PTPRD: variants seen among roughly 807,000 people sequenced by gnomAD.
PTPRD encodes the protein receptor-type tyrosine-protein phosphatase delta.
In PTPRD, 34 loss-of-function variants were observed where a neutral mutation model predicts 214.5. The ratio of observed to expected loss-of-function variants is 0.16; its 90% CI spans 0.12 to 0.21. PTPRD has a LOEUF of 0.21. PTPRD is among the 10% of genes least tolerant of loss of function. The probability of loss-of-function intolerance (pLI) is 1.00; values close to 1 mark genes in which losing one functional copy is unlikely to be tolerated. For missense variants in PTPRD, 2,545 were observed against 2,398.7 expected (o/e 1.06, Z -1.27); for synonymous variants, 1,128 against 845.7 (o/e 1.33, Z -5.79).
Position 8,474,697 on chromosome 9 carries a change from C to G in PTPRD, c.3414-3612G>C, listed in dbSNP as rs542239080. On this transcript the variant is annotated intron_variant, in intron 30 of 45. Coordinates refer to ENST00000381196, the MANE Select transcript of PTPRD (RefSeq NM_002839.4). ...CCTCTAGCCTGAAACCCTGGACGTT[C>G]AAACCACCCCACTAGAAGATGGCCT... Among the ~76,000 whole-genome samples, 4 of 152,260 alleles carry G rather than the reference C, an allele frequency of 2.6e-5. No individual in the cohort carries two copies. In the East Asian group the frequency reaches 7.7e-4, roughly 29 times the overall value.
intron 2 of PTPRD, among the ~76,000 whole-genome samples, chr9:10,446,511 A>G (rs1478388630): frequency 1.3e-5 from 2 of 149,818 alleles, no homozygotes; most frequent in African/African-American, 4.9e-5. Flanking sequence ...ATACTTTCCA[A>G]TAACTCCAAG....
intron 2 of PTPRD, among the ~76,000 whole-genome samples, chr9:10,572,687 C>T (rs1591232822): frequency 6.6e-6 from 1 of 152,084 alleles, no homozygotes; most frequent in Non-Finnish European, 1.5e-5. Flanking sequence ...GATTAATTTA[C>T]ATAGAATATT....
intron 43 of PTPRD, among the ~76,000 whole-genome samples, chr9:8,333,085 T>G (rs1421564598): frequency 1.3e-5 from 2 of 152,156 alleles, no homozygotes; most frequent in African/African-American, 2.4e-5. Flanking sequence ...TCCTGACTGA[T>G]GTTATTTGGG....
intron 2 of PTPRD, among the ~76,000 whole-genome samples, chr9:10,557,688 T>C (rs990800098): frequency 6.6e-6 from 1 of 152,124 alleles, no homozygotes; most frequent in African/African-American, 2.4e-5. Flanking sequence ...TGTTTACCCC[T>C]GGACCAGTCT....
intron 3 of PTPRD, among the ~76,000 whole-genome samples, chr9:10,209,259 G>T (rs768255468): frequency 1.3e-5 from 2 of 152,100 alleles, no homozygotes; most frequent in African/African-American, 4.8e-5. Flanking sequence ...AAAAACCCAT[G>T]AAAACACAAA....
chr9:8,789,127 C>T (rs2096119609), intron 11 of PTPRD, among the ~76,000 whole-genome samples: 1 of 152,080 alleles, frequency 6.6e-6, no homozygotes, highest in Admixed American at 6.5e-5. Context: ...AAAGGCATCA[C>T]CAAAGATGCC....
At chr9:8,656,385 G>A (rs956837909) in intron 12 of PTPRD, among the ~76,000 whole-genome samples, 1 of 152,110 alleles carries the variant, frequency 6.6e-6, no homozygotes. Context: ...CTTCTCCTGG[G>A]TGAAATCTTT....
At chr9:9,108,582 T>C (rs1337114488) in intron 10 of PTPRD, among the ~76,000 whole-genome samples, 2 of 152,202 alleles carry the variant, frequency 1.3e-5, no homozygotes, top group Admixed American at 6.5e-5. Context: ...ATGCCACTTA[T>C]AACACTTGGC....
intron 11 of PTPRD, among the ~76,000 whole-genome samples, chr9:8,882,653 G>A (rs1484579473): frequency 6.6e-6 from 1 of 152,106 alleles, no homozygotes; most frequent in Non-Finnish European, 1.5e-5. Context: ...GGGAGGCTGA[G>A]GTGGGTGGAT....
chr9:9,445,536 G>A lies in PTPRD; in HGVS notation c.-236-48054C>T, dbSNP rs1174946574. Among the ~76,000 whole-genome samples, 5 of 152,112 alleles carry A rather than the reference G, an allele frequency of 3.3e-5. No homozygotes were observed. The South Asian group carries it at 8.3e-4, about 25-fold the overall frequency. ...TTCTGCATGGCTGGGAAGACCTCAG[G>A]AAACTTACAATCATGGCGGAAGGGG... On this transcript the variant is annotated intron_variant, in intron 8 of 45. Coordinates refer to ENST00000381196, the MANE Select transcript of PTPRD (RefSeq NM_002839.4).
chr9:10,012,724 A>G (rs563381739), intron 4 of PTPRD, among the ~76,000 whole-genome samples: 1 of 152,012 alleles, frequency 6.6e-6, no homozygotes, highest in Non-Finnish European at 1.5e-5. Flanking sequence ...TATTTGGGTC[A>G]TGTGTTAAAT....
chr9:9,549,957 T>C (rs919798489), intron 8 of PTPRD, among the ~76,000 whole-genome samples: 2 of 152,190 alleles, frequency 1.3e-5, no homozygotes, highest in African/African-American at 2.4e-5. Flanking sequence ...TTCTGCCCAA[T>C]AGATAATTGG....
At chr9:8,645,290 C>T (rs2096663439) in intron 12 of PTPRD, among the ~76,000 whole-genome samples, 1 of 152,116 alleles carries the variant, frequency 6.6e-6, no homozygotes, top group Non-Finnish European at 1.5e-5. Context: ...GACCAAGAGA[C>T]AAAAATCAAT....
At chr9:9,926,888 A>C (rs10816239) in intron 5 of PTPRD, among the ~76,000 whole-genome samples, 80,343 of 151,880 alleles carry the variant, frequency 0.53, 24,894 homozygotes, top group East Asian at 0.92. Flanking sequence ...TATTTATTAC[A>C]AATGGAAAAA....
At chr9:9,162,887 G>C (rs191732256) in intron 10 of PTPRD, among the ~76,000 whole-genome samples, 1 of 152,110 alleles carries the variant, frequency 6.6e-6, no homozygotes, top group South Asian at 2.1e-4. Flanking sequence ...TACATGTTGC[G>C]AAATGTAGAC....
intron 2 of PTPRD, among the ~76,000 whole-genome samples, chr9:10,463,072 A>C (rs2098969919): frequency 6.6e-6 from 1 of 151,578 alleles, no homozygotes; most frequent in South Asian, 2.1e-4. Flanking sequence ...CTTTTCTAAA[A>C]TTTCTAAATT....
At chr9:8,921,933 G>C (rs761763361) in intron 11 of PTPRD, among the ~76,000 whole-genome samples, 8 of 152,156 alleles carry the variant, frequency 5.3e-5, no homozygotes, top group Non-Finnish European at 7.4e-5. Context: ...GGACACAGAA[G>C]AAGAGGAGGC....
At chr9:8,409,566 G>C (rs949858686) in intron 35 of PTPRD, among the ~76,000 whole-genome samples, 2 of 152,114 alleles carry the variant, frequency 1.3e-5, no homozygotes, top group Non-Finnish European at 2.9e-5. Context: ...CCTGATATGG[G>C]AGTAACCTTT....
chr9:9,327,009 G>T (rs1218619585), intron 9 of PTPRD, among the ~76,000 whole-genome samples: 2 of 151,998 alleles, frequency 1.3e-5, no homozygotes, highest in South Asian at 2.1e-4. Flanking sequence ...AAAGCTAAAG[G>T]GACAAAGTAA....
Sources: gnomAD v4.1 joint callset for allele counts (sites outside exome capture counted in the v4.1 genomes callset) on GRCh38, gnomAD v4.1.1 for gene constraint, MANE v1.5 for transcripts, NCBI Gene and HGNC (gene_info 2026-07-23, HGNC 2026-07-21) for gene names.